MAT2A: variants seen among roughly 807,000 people sequenced by gnomAD.
The protein encoded by MAT2A is methionine adenosyltransferase 2A, also known as S-adenosylmethionine synthase isoform type-2.
MAT2A carries 3 observed loss-of-function variants against 43.9 expected under a neutral mutation model. The observed-to-expected ratio is 0.07, with a 90% confidence interval of 0.03 to 0.18. The LOEUF is 0.18. Ranked by LOEUF, MAT2A falls within the 10% of genes least tolerant of loss-of-function variation. The probability of loss-of-function intolerance (pLI) is 1.00; values close to 1 mark genes in which losing one functional copy is unlikely to be tolerated. For missense variants in MAT2A, 204 were observed against 489.0 expected (o/e 0.42, Z 5.50); for synonymous variants, 200 against 168.4 (o/e 1.19, Z -1.45).
Position 85,541,295 on chromosome 2 carries a change from A to G in MAT2A, c.210A>G (p.Glu70=). 1.2e-6 allele frequency: 2 copies of G among 1,614,132 alleles called. No homozygotes were observed. ...CTGGAATGATCCTTCTTGCTGGGGA[A>G]ATTACATCCAGAGCTGCTGTTGACT... ...AKTGMILLAG[E]ITSRAAVDYQ... The change falls in exon 3 of 9, where the codon GAA becomes GAG. Residue 70 remains glutamate, a synonymous_variant. Transcript: ENST00000306434.
At chr2:85,539,728 G>A (rs1691413932) in intron 1 of MAT2A, 1 of 172,362 alleles carries the variant, frequency 5.8e-6, no homozygotes, top group Non-Finnish European at 1.2e-5. Context: ...CCTGCCGTCT[G>A]ACAAACCTGG....
chr2:85,542,865 C>T (rs1483353219), intron 7 of MAT2A, 36 bp from the exon 8 acceptor site: 3 of 1,600,236 alleles, frequency 1.9e-6, no homozygotes, highest in South Asian at 1.1e-5. Flanking sequence ...TGGGTCTTTG[C>T]AATCACTGAT....
At chr2:85,543,087 G>C in intron 8 of MAT2A, 53 bp downstream of exon 8, 1 of 1,581,370 alleles carries the variant, frequency 6.3e-7, no homozygotes, top group Non-Finnish European at 8.6e-7. Context: ...TTGGGTGTGT[G>C]TGTATATACT....
Position 85,541,689 on chromosome 2 carries a change from A to G in MAT2A, c.349A>G (p.Ile117Val). ...LVALEQQSPD[I>V]AQGVHLDRNE... is the part of the protein sequence containing the mutation. ...AGCCTTGGAGCAACAGTCACCAGAT[A>G]TTGCTCAAGGTGTTCATCTTGACAG... Residue 117 changes from isoleucine (I) to valine (V), a missense_variant, in exon 4 of 9, where the codon ATT (isoleucine) becomes GTT (valine). Physicochemically the swap from Ile to Val is conservative, Grantham distance 29 (BLOSUM62 3). Transcript: ENST00000306434. 6.2e-7 allele frequency: 1 copy of G among 1,614,106 alleles called. No homozygotes were observed. The highest frequency in any genetic ancestry group is 8.5e-7 in the Non-Finnish European group (1 of 1,180,022).
In MAT2A at chr2:85,544,544, A is replaced by G. The variant is rs1472139632; in HGVS notation, c.*772A>G. On this transcript the variant is annotated 3_prime_UTR_variant, in exon 9 of 9. Transcript: ENST00000306434. ...TATGCATGGTTTCAGCACTAGCCAA[A>G]CCTCACCAACTCCTAGTTCTAGAAA... 1 of 152,642 alleles carries G rather than the reference A, an allele frequency of 6.6e-6. No homozygotes were observed. Among genetic ancestry groups the G allele is most frequent in the Non-Finnish European group, 1.5e-5 (1 of 68,070 alleles). The allele number at this position is 152,642 out of a possible 1,614,324, so 9.5% of individuals were successfully genotyped here.
At position 85,542,189 on chromosome 2, in the gene MAT2A, T is replaced by C; in HGVS notation, c.584T>C (p.Val195Ala). 6.2e-7 allele frequency: 1 copy of C among 1,614,174 alleles called. No homozygotes were observed. The highest frequency in any genetic ancestry group is 8.5e-7 in the Non-Finnish European group (1 of 1,180,028). The change falls in exon 6 of 9, where the codon GTG (valine) becomes GCG (alanine). Residue 195 changes from valine to alanine, a missense_variant. By Grantham distance (64) the Val-to-Ala change is moderately conservative. Transcript: ENST00000306434. ...TVQYMQDRGA[V>A]LPIRVHTIVI... is the part of the protein sequence containing the mutation. The stretch of plus-strand genomic sequence containing the variant: ...CAGTATATGCAGGATCGAGGTGCTG[T>C]GCTTCCCATCAGAGTCCACACAATT...
In MAT2A at chr2:85,542,731, G is replaced by A. The variant is rs776120459; in HGVS notation, c.935G>A (p.Arg312Gln). 1.2e-6 allele frequency: 2 copies of A among 1,611,480 alleles called. No individual in the cohort carries two copies. The highest frequency in any genetic ancestry group is 3.3e-5 in the Admixed American group (2 of 59,788). The change falls in exon 7 of 9, where the codon CGG becomes CAG. Residue 312 changes from arginine to glutamine, a missense_variant. Transcript: ENST00000306434. ...TCCCTTGTTAAAGGAGGTCTGTGCC[G>A]GAGGGTTCTTGTTCAGGTATACACT... ...AKSLVKGGLCRRVLVQVSYAI... is the reference protein window; with the variant it reads ...AKSLVKGGLCQRVLVQVSYAI...
intron 3 of MAT2A, 35 bp from the exon 4 acceptor site, chr2:85,541,598 G>T: frequency 6.7e-7 from 1 of 1,500,864 alleles, no homozygotes. Context: ...GGTATTTCTA[G>T]GACGTAAACA....
chr2:85,544,855 G>C lies in MAT2A; in HGVS notation c.*1083G>C, dbSNP rs371101314. 6.6e-6 allele frequency: 1 copy of C among 152,546 alleles called. No homozygotes were observed. The highest frequency in any genetic ancestry group is 2.4e-5 in the African/African-American group (1 of 41,412). 9.4% of individuals were successfully genotyped at this position (152,546 alleles called of 1,614,324 possible). ...GGAGGAAATCCCTTCATACTTGAAC[G>C]TTTTCTAATTGCTTATTTATTGTAT... is the stretch of plus-strand genomic sequence containing the variant. On this transcript the variant is annotated 3_prime_UTR_variant, in exon 9 of 9. Transcript: ENST00000306434.
At position 85,541,354 on chromosome 2, in the gene MAT2A, T is replaced by C; in HGVS notation, c.269T>C (p.Ile90Thr). The C allele has an allele frequency of 6.2e-7, 1 of 1,613,544 alleles. No homozygotes were observed. Among genetic ancestry groups the C allele is most frequent in the Non-Finnish European group, 8.5e-7 (1 of 1,179,960 alleles). ...QKVVREAVKH[I>T]GYDDSSKGFD... The stretch of plus-strand genomic sequence containing the variant: ...GTGGTTCGTGAAGCTGTTAAACACA[T>C]TGGATATGATGATTCTTCCAAAGGT... Residue 90 changes from isoleucine to threonine, a missense_variant, in exon 3 of 9, where the codon ATT becomes ACT. By Grantham distance (89) the Ile-to-Thr change is moderately conservative. This residue lies in a region of MAT2A where 103 missense variants were observed against 226.4 expected (regional missense o/e 0.45). Transcript: ENST00000306434.
chr2:85,540,254 GATGATT>G (rs1443073386), intron 1 of MAT2A, among the ~76,000 whole-genome samples: 23 of 152,346 alleles, frequency 1.5e-4, no homozygotes, highest in African/African-American at 5.3e-4. Context: ...GGCTAGTAAA[GATGATT>G]ATTTGGCTCT....
In MAT2A at chr2:85,542,218, A is replaced by T; in HGVS notation, c.613A>T (p.Ile205Leu). ...VLPIRVHTIV[I>L]SVQHDEEVCL... ...TCCCATCAGAGTCCACACAATTGTT[A>T]TATCTGTTCAGCATGATGAAGAGGT... The change falls in exon 6 of 9, where the codon ATA (isoleucine) becomes TTA (leucine). Residue 205 changes from isoleucine (I) to leucine (L), a missense_variant. Ile to Leu is a conservative substitution (Grantham distance 5). Around this residue, in one of 6 missense-constraint regions of MAT2A, gnomAD observed 103 missense variants for 226.4 expected, o/e 0.45. Transcript: ENST00000306434. The T allele has an allele frequency of 6.2e-7, 1 of 1,614,178 alleles. No individual in the cohort carries two copies. Among genetic ancestry groups the T allele is most frequent in the Non-Finnish European group, 8.5e-7 (1 of 1,180,026 alleles).
At position 85,544,500 on chromosome 2, in the gene MAT2A, T is replaced by C. The variant is rs1185999529; in HGVS notation, c.*728T>C. ...TTGGAGGACGTACGTAATAAGGTTT[T>C]AATTTAGTAAACCAATCCTATGCAT... On this transcript the variant is annotated 3_prime_UTR_variant, in exon 9 of 9. Coordinates refer to ENST00000306434, the MANE Select transcript of MAT2A (RefSeq NM_005911.6). The C allele has an allele frequency of 6.5e-6, 1 of 152,762 alleles. No homozygotes were observed. Among genetic ancestry groups the C allele is most frequent in the Admixed American group, 6.5e-5 (1 of 15,304 alleles). The allele number at this position is 152,762 out of a possible 1,614,324, so 9.5% of individuals were successfully genotyped here.
intron 5 of MAT2A, 21 bp downstream of exon 5, chr2:85,541,993 T>C: frequency 6.2e-7 from 1 of 1,607,306 alleles, no homozygotes; most frequent in African/African-American, 1.3e-5. Context: ...ATCATAAAGC[T>C]TGGTTGTCTC....
intron 6 of MAT2A, 91 bp from the exon 7 acceptor site, chr2:85,542,474 C>T (rs1236781285): frequency 2.4e-5 from 36 of 1,522,832 alleles, no homozygotes; most frequent in East Asian, 2.0e-4. Flanking sequence ...TGTGAATCAT[C>T]GGAGGATATT....
intron 7 of MAT2A, 48 bp downstream of exon 7, chr2:85,542,795 G>A: frequency 6.4e-7 from 1 of 1,553,890 alleles, no homozygotes; most frequent in Non-Finnish European, 8.8e-7. Flanking sequence ...GTAAGTGGGA[G>A]GGTATTTAGT....
At chr2:85,542,440 T>C (rs1000009714) in intron 6 of MAT2A, 67 bp downstream of exon 6, 1 of 1,562,944 alleles carries the variant, frequency 6.4e-7, no homozygotes, top group African/African-American at 1.4e-5. Context: ...TACTACATTT[T>C]TTTCAGGCTT....
intron 8 of MAT2A, 124 bp downstream of exon 8, chr2:85,543,158 C>G: frequency 8.6e-7 from 1 of 1,156,804 alleles, no homozygotes; most frequent in Non-Finnish European, 1.2e-6. Flanking sequence ...ATTTTAATTC[C>G]TGGAACAGTT....
rs1300816839 is a variant in MAT2A, at chr2:85,539,256, T to C, written c.-32T>C. 1 of 1,548,670 alleles carries C rather than the reference T, an allele frequency of 6.5e-7. No individual in the cohort carries two copies. The highest frequency in any genetic ancestry group is 8.8e-7 in the Non-Finnish European group (1 of 1,131,076). On this transcript the variant is annotated 5_prime_UTR_variant, in exon 1 of 9. Transcript: ENST00000306434. ...CCGCTGCCGCCTCGCCGCTGCTCCTTCGTAAGGCCACTTCCGCACACCGAC... is the reference window on the plus strand; with the variant it reads ...CCGCTGCCGCCTCGCCGCTGCTCCTCCGTAAGGCCACTTCCGCACACCGAC...
Sources: gnomAD v4.1 joint callset for allele counts (sites outside exome capture counted in the v4.1 genomes callset) on GRCh38, gnomAD v4.1.1 for gene constraint, gnomAD v4.1.1 regional missense constraint, MANE v1.5 for transcripts, NCBI Gene and HGNC (gene_info 2026-07-23, HGNC 2026-07-21) for gene names.